The following CST7 variants were observed in gnomAD, a reference collection of about 807,000 sequenced individuals.
CST7 encodes the protein cystatin-F.
A neutral mutation model predicts 13.1 loss-of-function variants in CST7; 15 were observed. That is an observed-to-expected ratio of 1.14 (90% CI 0.77 to 1.76). The LOEUF is 1.76. CST7 is among the 40% of genes most tolerant of loss of function. CST7 has a pLI of 0.00. For synonymous variants in CST7, 75 were observed against 66.9 expected (o/e 1.12, Z -0.59); for missense variants, 193 against 178.8 (o/e 1.08, Z -0.45).
Position 24,949,378 on chromosome 20 carries a change from G to T in CST7, c.-128G>T. The T allele has an allele frequency of 3.8e-6, 6 of 1,582,908 alleles. No individual in the cohort carries two copies. The highest frequency in any genetic ancestry group is 5.2e-6 in the Non-Finnish European group (6 of 1,163,260). ...CGGGCACAGACCACTGCCCCCACCT[G>T]CCCTGCGCCATCTACCCAAGAAGGC... On this transcript the variant is annotated 5_prime_UTR_variant, in exon 1 of 4. Transcript: ENST00000480798.
At chr20:24,953,302 C>T (rs759259487) in intron 1 of CST7, among the ~76,000 whole-genome samples, 2 of 152,104 alleles carry the variant, frequency 1.3e-5, no homozygotes, top group South Asian at 2.1e-4. Context: ...GGCTGGGGCC[C>T]GGGTTTTTAA....
chr20:24,949,351 C>T lies in CST7; in HGVS notation c.-155C>T. 1.2e-5 allele frequency: 18 copies of T among 1,549,576 alleles called. No homozygotes were observed. Among genetic ancestry groups the T allele is most frequent in the Admixed American group, 1.8e-5 (1 of 54,054 alleles). The stretch of plus-strand genomic sequence containing the variant: ...GCCCGTGCTGCCTGAGAAGGATTGG[C>T]ACGGGCACAGACCACTGCCCCCACC... On this transcript the variant is annotated 5_prime_UTR_variant, in exon 1 of 4. Coordinates refer to ENST00000480798, the MANE Select transcript of CST7 (RefSeq NM_003650.4).
chr20:24,959,648 A>C lies in CST7; in HGVS notation c.374A>C (p.Tyr125Ser), dbSNP rs748038423. 3 of 1,613,970 alleles carry C rather than the reference A, an allele frequency of 1.9e-6. No homozygotes were observed. The highest frequency in any genetic ancestry group is 3.3e-5 in the Admixed American group (2 of 60,032). ...TCTCTGTTTCAGACTCTGAGCTGCT[A>C]CTCTGAAGTCTGGGTCGTGCCCTGG... is the stretch of plus-strand genomic sequence containing the variant. ...NHTLKQTLSC[Y>S]SEVWVVPWLQ... Residue 125 changes from tyrosine to serine, a missense_variant, in exon 4 of 4, where the codon TAC becomes TCC. Coordinates refer to ENST00000480798, the MANE Select transcript of CST7 (RefSeq NM_003650.4).
chr20:24,950,297 T>C (rs2087811369), intron 1 of CST7, among the ~76,000 whole-genome samples: 1 of 152,112 alleles, frequency 6.6e-6, no homozygotes, highest in African/African-American at 2.4e-5. Context: ...GGTGACCCGC[T>C]CAAGTCATAT....
At position 24,959,711 on chromosome 20, in the gene CST7, G is replaced by C. The variant is rs748018376; in HGVS notation, c.437G>C (p.Ter146SerextTer39). ...GAGGTGCCTGTTCTCCGTTGTCACTGACCCCCGCCTCTTCAGCAAGACCAC... is the reference window on the plus strand; with the variant it reads ...GAGGTGCCTGTTCTCCGTTGTCACTCACCCCCGCCTCTTCAGCAAGACCAC... Reference protein sequence around the residue: ...HFEVPVLRCH* With the variant: ...HFEVPVLRCHS Residue 146 changes from the stop codon to serine (S), a stop_lost, in exon 4 of 4, where the codon TGA becomes TCA. Coordinates refer to ENST00000480798, the MANE Select transcript of CST7 (RefSeq NM_003650.4). 6.2e-7 allele frequency: 1 copy of C among 1,613,796 alleles called. No individual in the cohort carries two copies. Among genetic ancestry groups the C allele is most frequent in the African/African-American group, 1.3e-5 (1 of 74,882 alleles).
At chr20:24,959,587 C>T (rs750559979) in intron 3 of CST7, 48 bp from the exon 4 acceptor site, 1 of 1,574,136 alleles carries the variant, frequency 6.4e-7, no homozygotes, top group African/African-American at 1.3e-5. Context: ...GCAGAGGGCT[C>T]CCCGCAGGGA....
intron 1 of CST7, among the ~76,000 whole-genome samples, chr20:24,954,052 G>A (rs1285838610): frequency 6.6e-6 from 1 of 151,908 alleles, no homozygotes; most frequent in African/African-American, 2.4e-5. Context: ...CCTCAGGTTG[G>A]TGTCCTCTCC....
At chr20:24,959,378 T>C (rs2087881119) in intron 3 of CST7, among the ~76,000 whole-genome samples, 1 of 152,198 alleles carries the variant, frequency 6.6e-6, no homozygotes, top group Non-Finnish European at 1.5e-5. Flanking sequence ...ACATATGATA[T>C]GTATCATATG....
intron 1 of CST7, among the ~76,000 whole-genome samples, chr20:24,950,615 C>A (rs1398272936): frequency 1.3e-5 from 2 of 152,198 alleles, no homozygotes; most frequent in African/African-American, 4.8e-5. Context: ...GCCACCGCCA[C>A]CAGCTCTGGG....
At position 24,958,982 on chromosome 20, in the gene CST7, A is replaced by G; in HGVS notation, c.298A>G (p.Lys100Glu). The change falls in exon 3 of 4, where the codon AAG becomes GAG. Residue 100 changes from lysine to glutamate, a missense_variant. Lys to Glu is a moderately conservative substitution (Grantham distance 56). Transcript: ENST00000480798. Reference sequence around the variant, plus strand: ...GGTGGAAATTGGCAGAACTACCTGCAAGAAAAACCAGCACCTGCGTCTGGA... The same window carrying G: ...GGTGGAAATTGGCAGAACTACCTGCGAGAAAAACCAGCACCTGCGTCTGGA... ...LEVEIGRTTC[K>E]KNQHLRLDDC... is the part of the protein sequence containing the mutation. 1 of 1,614,052 alleles carries G rather than the reference A, an allele frequency of 6.2e-7. No homozygotes were observed. Among genetic ancestry groups the G allele is most frequent in the Non-Finnish European group, 8.5e-7 (1 of 1,179,924 alleles).
At position 24,959,906 on chromosome 20, in the gene CST7, A is replaced by G; in HGVS notation, c.*194A>G. The G allele has an allele frequency of 1.7e-6, 1 of 579,950 alleles. No homozygotes were observed. The highest frequency in any genetic ancestry group is 3.1e-6 in the Non-Finnish European group (1 of 320,506). 35.9% of individuals were successfully genotyped at this position (579,950 alleles called of 1,614,324 possible). A position where few individuals can be genotyped will look rare whatever the true frequency, so the allele number is the denominator to read the frequency against. ...TAGCACCTCCTAACAGATTAAATAG[A>G]TCACATTTGCTTCTAAAATTAACTC... On this transcript the variant is annotated 3_prime_UTR_variant, in exon 4 of 4. Transcript: ENST00000480798.
intron 1 of CST7, among the ~76,000 whole-genome samples, chr20:24,953,056 C>T (rs1450886854): frequency 3.9e-5 from 6 of 152,250 alleles, no homozygotes; most frequent in Non-Finnish European, 7.3e-5. Flanking sequence ...TGCCCAGCAG[C>T]TGTCAGAAAC....
intron 1 of CST7, among the ~76,000 whole-genome samples, chr20:24,950,610 C>T (rs1318770214): frequency 2.6e-5 from 4 of 152,196 alleles, no homozygotes; most frequent in East Asian, 1.9e-4. Context: ...AACATGCCAC[C>T]GCCACCAGCT....
At chr20:24,953,728 G>C (rs764200323) in intron 1 of CST7, among the ~76,000 whole-genome samples, 1 of 152,180 alleles carries the variant, frequency 6.6e-6, no homozygotes, top group Non-Finnish European at 1.5e-5. Flanking sequence ...AGGCTGCCCC[G>C]GCAGGCTCCT....
chr20:24,949,667 C>G, intron 1 of CST7, 92 bp downstream of exon 1: 2 of 1,516,146 alleles, frequency 1.3e-6, no homozygotes, highest in Admixed American at 1.9e-5. Flanking sequence ...ACTTTCCTAG[C>G]TTGGAGCCCC....
intron 1 of CST7, among the ~76,000 whole-genome samples, chr20:24,950,703 T>TGGG (rs1400062368): frequency 6.7e-6 from 1 of 150,194 alleles, no homozygotes; most frequent in Non-Finnish European, 1.5e-5. Flanking sequence ...CCTCCCAGCT[T>TGGG]GGGAGCCTTC....
chr20:24,959,822 A>ACCCG lies in CST7; in HGVS notation c.*111_*112insCCGC. ...CCTCACAGACCCTCTCAGGCCTCTGACGAGTGAGCGGGTGAAGTGCCACTG... is the reference window on the plus strand; with the variant it reads ...CCTCACAGACCCTCTCAGGCCTCTGACCCGCGAGTGAGCGGGTGAAGTGCCACTG... On this transcript the variant is annotated 3_prime_UTR_variant, in exon 4 of 4. Transcript: ENST00000480798. 3 of 1,121,092 alleles carry ACCCG rather than the reference A, an allele frequency of 2.7e-6. No homozygotes were observed. The South Asian group carries it at 3.8e-5, about 14-fold the overall frequency. The allele number at this position is 1,121,092 out of a possible 1,614,324, so 69.4% of individuals were successfully genotyped here.
At chr20:24,954,733 T>C (rs1168240604) in intron 1 of CST7, among the ~76,000 whole-genome samples, 1 of 152,190 alleles carries the variant, frequency 6.6e-6, no homozygotes, top group Non-Finnish European at 1.5e-5. Context: ...TACCACAATC[T>C]TTTAGGAACT....
chr20:24,955,396 T>C (rs2087847104), intron 1 of CST7, among the ~76,000 whole-genome samples: 1 of 151,492 alleles, frequency 6.6e-6, no homozygotes, highest in South Asian at 2.1e-4. Flanking sequence ...GCTCAGCCCC[T>C]GGTGCTCAGG....
Sources: allele counts gnomAD v4.1 joint callset (sites outside exome capture counted in the v4.1 genomes callset), GRCh38; gene constraint gnomAD v4.1.1; transcripts MANE v1.5; gene names NCBI Gene and HGNC (gene_info 2026-07-23, HGNC 2026-07-21).